Variants in FREM1 observed in about 807,000 individuals in gnomAD.
FREM1 encodes the protein FRAS1-related extracellular matrix protein 1.
Under a neutral mutation model 210.1 loss-of-function variants are expected in FREM1, and 220 were observed. That is an observed-to-expected ratio of 1.05 (90% CI 0.94 to 1.17). The LOEUF (loss-of-function observed/expected upper bound fraction) is 1.17. Among genes scored for constraint, FREM1 ranks in the 50% most tolerant of loss-of-function variants. The probability of loss-of-function intolerance (pLI) is 0.00; values close to 1 mark genes in which losing one functional copy is unlikely to be tolerated. For synonymous variants in FREM1, 1,189 were observed against 980.2 expected, an observed-to-expected ratio of 1.21 and a Z score of -3.98; for missense variants, 3,454 against 2,675.5, an observed-to-expected ratio of 1.29 and a Z score of -6.42.
At chr9:14,776,318 A>G (rs1848569517) in intron 24 of FREM1, 115 bp from the exon 25 acceptor site, 1 of 1,237,026 alleles carries the variant, frequency 8.1e-7, no homozygotes, top group Non-Finnish European at 1.1e-6. Flanking sequence ...TGTGACTCAA[A>G]TGAAAAATCA....
At chr9:14,851,946 T>G (rs1433260235) in intron 5 of FREM1, among the ~76,000 whole-genome samples, 1 of 152,174 alleles carries the variant, frequency 6.6e-6, no homozygotes, top group African/African-American at 2.4e-5. Flanking sequence ...CACTTTTAAT[T>G]TGTGTGATTT....
intron 8 of FREM1, 96 bp downstream of exon 8, chr9:14,845,864 G>A: frequency 8.1e-7 from 1 of 1,228,366 alleles, no homozygotes; most frequent in Non-Finnish European, 1.1e-6. Context: ...TTGAGAAATT[G>A]GGCCCAAGAG....
intron 1 of FREM1, among the ~76,000 whole-genome samples, chr9:14,882,064 C>G (rs1362102401): frequency 6.6e-6 from 1 of 152,150 alleles, no homozygotes; most frequent in Non-Finnish European, 1.5e-5. Context: ...GAATTTTACA[C>G]AGGAGAGAAT....
Position 14,836,326 on chromosome 9 carries a change from T to C in FREM1, c.1881+5121A>G, listed in dbSNP as rs1824605418. On this transcript the variant is annotated intron_variant, in intron 10 of 36. Transcript: ENST00000380880. This position sits in a 1 kb window ranked among gnomAD's most constrained non-coding sequence, Gnocchi z 4.9. ...TTAATTATTATCCTTATAACTGGGATAATAGTTACTGACAAAAAGAAAGCG... is the reference window on the plus strand; with the variant it reads ...TTAATTATTATCCTTATAACTGGGACAATAGTTACTGACAAAAAGAAAGCG... Among the ~76,000 whole-genome samples, 1 of 152,238 alleles carries C rather than the reference T, an allele frequency of 6.6e-6. No individual in the cohort carries two copies. The highest frequency in any genetic ancestry group is 1.5e-5 in the Non-Finnish European group (1 of 68,036).
chr9:14,816,732 C>A (rs1198866852), intron 15 of FREM1, 46 bp downstream of exon 15: 2 of 1,023,180 alleles, frequency 2.0e-6, no homozygotes, highest in East Asian at 5.9e-5. Context: ...TATGGCAGCA[C>A]AAAACAGACT....
chr9:14,776,287 T>C (rs1258661138), intron 24 of FREM1, 84 bp from the exon 25 acceptor site: 7 of 1,394,380 alleles, frequency 5.0e-6, no homozygotes, highest in East Asian at 4.9e-5. Context: ...TACACACCTT[T>C]ACTAAAGGGT....
rs889978314 is a variant in FREM1, at chr9:14,869,204, C to A, written c.-227G>T. On this transcript the variant is annotated 5_prime_UTR_variant, in exon 2 of 37. Transcript: ENST00000380880. ...AAAACTCGCTGATCACTCCTGACAA[C>A]GCCGGCAAGATTAATGGGCTTCCCA... 23 of 447,914 alleles carry A rather than the reference C, an allele frequency of 5.1e-5. No individual in the cohort carries two copies. The highest frequency in any genetic ancestry group is 7.9e-6 in the Non-Finnish European group (2 of 251,680). The allele number at this position is 447,914 out of a possible 1,614,324, so 27.7% of individuals were successfully genotyped here.
chr9:14,867,440 T>C (rs754461624), intron 2 of FREM1, among the ~76,000 whole-genome samples: 4 of 152,188 alleles, frequency 2.6e-5, no homozygotes, highest in Admixed American at 6.5e-5. Flanking sequence ...TAGATACCCA[T>C]CTAAAGCTCT....
At position 14,747,123 on chromosome 9, in the gene FREM1, T is replaced by C. The variant is rs1842601644; in HGVS notation, c.6010-72A>G. The stretch of plus-strand genomic sequence containing the variant: ...AAGTTGCTCACACATTCACCTCCTT[T>C]GGGTCTTCATTTGTTGGGAAGCATT... On this transcript the variant is annotated intron_variant, in intron 33 of 36. Coordinates refer to ENST00000380880, the MANE Select transcript of FREM1 (RefSeq NM_001379081.2). 13 of 1,601,748 alleles carry C rather than the reference T, an allele frequency of 8.1e-6. No individual in the cohort carries two copies. The South Asian group carries it at 1.2e-4, about 15-fold the overall frequency.
chr9:14,898,298 G>A (rs1042628324), intron 1 of FREM1, among the ~76,000 whole-genome samples: 1 of 152,196 alleles, frequency 6.6e-6, no homozygotes, highest in South Asian at 2.1e-4. Flanking sequence ...AATCAAAGTT[G>A]CCAGCACACA....
In FREM1 at chr9:14,861,048, TATATACATATATACAC is replaced by T. The variant is rs1346207934; in HGVS notation, c.330-1580_330-1565del. On this transcript the variant is annotated intron_variant, in intron 3 of 36. Transcript: ENST00000380880. ...ATATATACATATATACATATATACA[TATATACATATATACAC>T]ATATACATATATACATATATACACA... Among the ~76,000 whole-genome samples, 208 of 75,120 alleles carry T rather than the reference TATATACATATATACAC, an allele frequency of 2.8e-3. 1 individual carries two copies. The highest frequency in any genetic ancestry group is 0.013 in the Middle Eastern group (1 of 76). 49.3% of individuals were successfully genotyped at this position (75,120 alleles called of 152,430 possible).
rs182244889 is a variant in FREM1 at position 14,789,005 on chromosome 9, T to A, written c.4091A>T (p.Gln1364Leu). The A allele has an allele frequency of 1.9e-6, 3 of 1,612,706 alleles. No individual in the cohort carries two copies. Among genetic ancestry groups the A allele is most frequent in the African/African-American group, 2.7e-5 (2 of 75,018 alleles). Residue 1364 changes from glutamine (Q) to leucine (L), a missense_variant, in exon 23 of 37, where the codon CAA (glutamine) becomes CTA (leucine). Transcript: ENST00000380880. ...THTGAMDSQNQDSFTFYLWDG... is the reference protein window; with the variant it reads ...THTGAMDSQNLDSFTFYLWDG... Reference sequence around the variant, plus strand: ...CCAAAGGTAGAAGGTGAAGCTATCTTGATTCTGGGAATCCATTGCCCCGGT... The same window carrying A: ...CCAAAGGTAGAAGGTGAAGCTATCTAGATTCTGGGAATCCATTGCCCCGGT...
intron 29 of FREM1, among the ~76,000 whole-genome samples, chr9:14,752,780 C>G (rs1235481825): frequency 6.6e-6 from 1 of 152,110 alleles, no homozygotes; most frequent in African/African-American, 2.4e-5. Flanking sequence ...AAATCCAATA[C>G]AGAAAATATT....
At chr9:14,780,708 G>T (rs1022719063) in intron 24 of FREM1, among the ~76,000 whole-genome samples, 4 of 152,092 alleles carry the variant, frequency 2.6e-5, no homozygotes, top group Non-Finnish European at 1.5e-5. Flanking sequence ...AATGGAAGGG[G>T]GAAAATCCTC....
At chr9:14,792,482 C>G (rs1851601982) in intron 22 of FREM1, among the ~76,000 whole-genome samples, 1 of 152,122 alleles carries the variant, frequency 6.6e-6, no homozygotes, top group South Asian at 2.1e-4. Flanking sequence ...TGGTTTACCC[C>G]AGTAATTCCC....
intron 4 of FREM1, 28 bp downstream of exon 4, chr9:14,859,155 C>A (rs1829336796): frequency 2.0e-6 from 3 of 1,516,446 alleles, no homozygotes; most frequent in African/African-American, 1.4e-5. Flanking sequence ...TTTGGTAATA[C>A]CCAGAAAGGC....
At chr9:14,826,903 G>T (rs1369052842) in intron 10 of FREM1, among the ~76,000 whole-genome samples, 1 of 152,162 alleles carries the variant, frequency 6.6e-6, no homozygotes. Flanking sequence ...TGGCAACTTG[G>T]TCTTGGACTT....
At chr9:14,858,528 CT>C (rs1829219203) in intron 4 of FREM1, among the ~76,000 whole-genome samples, 1 of 144,096 alleles carries the variant, frequency 6.9e-6, no homozygotes, top group Non-Finnish European at 1.5e-5. Context: ...TTTTTGGAGT[CT>C]CATTTCTCAG....
At position 14,824,005 on chromosome 9, in the gene FREM1, A is replaced by G. The variant is rs1445297347; in HGVS notation, c.2169+20T>C. On this transcript the variant is annotated intron_variant, in intron 12 of 36. Transcript: ENST00000380880. ...GCACACTTGCATCATGTTTGTCAGC[A>G]TTTTAGCATATCCTCATACCTGAGT... The G allele has an allele frequency of 6.7e-6, 10 of 1,499,174 alleles. No homozygotes were observed. The highest frequency in any genetic ancestry group is 9.2e-6 in the Non-Finnish European group (10 of 1,092,594). 92.9% of individuals were successfully genotyped at this position (1,499,174 alleles called of 1,614,324 possible). A position where few individuals can be genotyped will look rare whatever the true frequency, so the allele number is the denominator to read the frequency against.
Sources: allele counts gnomAD v4.1 joint callset (sites outside exome capture counted in the v4.1 genomes callset), GRCh38; gene constraint gnomAD v4.1.1; non-coding constraint Gnocchi (gnomAD v3.1); transcripts MANE v1.5; gene names NCBI Gene and HGNC (gene_info 2026-07-23, HGNC 2026-07-21).